POMT2: variants seen among roughly 807,000 people sequenced by gnomAD.
POMT2 encodes protein O-mannosyl-transferase 2.
POMT2 carries 75 observed loss-of-function variants against 100.0 expected under a neutral mutation model. That is an observed-to-expected ratio of 0.75 (90% CI 0.62 to 0.91). POMT2 has a LOEUF of 0.91. Among genes scored for constraint, POMT2 ranks in the 40% least tolerant of loss-of-function variants. The pLI, the probability that POMT2 is intolerant of heterozygous loss-of-function variation, is 0.00. For synonymous variants in POMT2, 378 were observed against 374.1 expected (o/e 1.01, Z -0.12); for missense variants, 940 against 955.1 (o/e 0.98, Z 0.21).
chr14:77,281,869 T>C (rs974919931), intron 15 of POMT2, among the ~76,000 whole-genome samples: 1 of 152,116 alleles, frequency 6.6e-6, no homozygotes, highest in Non-Finnish European at 1.5e-5. Context: ...TAAGAACCAC[T>C]GGTATAGCCT....
rs3742740 is a variant in POMT2 at position 77,284,876 on chromosome 14, G to A, written c.1576+74C>T. 1.1e-4 allele frequency: 153 copies of A among 1,332,904 alleles called. 1 individual carries two copies. In the East Asian group the frequency reaches 3.1e-3, roughly 27 times the overall value. The allele number at this position is 1,332,904 out of a possible 1,614,324, so 82.6% of individuals were successfully genotyped here. On this transcript the variant is annotated intron_variant, in intron 14 of 20. Transcript: ENST00000261534. ...TGAAGGGATAGCACAGTTTACAAAC[G>A]CTTACTTTTCTAAGATAAGGGTTTC...
At chr14:77,303,026 G>A in intron 4 of POMT2, 83 bp from the exon 5 acceptor site, 1 of 1,010,274 alleles carries the variant, frequency 9.9e-7, no homozygotes. Flanking sequence ...GTAGGAAACA[G>A]TCCCTCTTGC....
intron 18 of POMT2, chr14:77,279,243 GGAGT>G: frequency 2.6e-6 from 1 of 384,198 alleles, no homozygotes; most frequent in Non-Finnish European, 5.0e-6. Context: ...AGGTGAGGAT[GGAGT>G]GAGGAGGTGT....
At chr14:77,297,072 C>T (rs1485200397) in intron 8 of POMT2, among the ~76,000 whole-genome samples, 1 of 152,182 alleles carries the variant, frequency 6.6e-6, no homozygotes, top group Admixed American at 6.5e-5. Context: ...TCGGAACAGG[C>T]CAAATTCTCT....
At chr14:77,308,916 T>C in intron 2 of POMT2, 1 of 336,232 alleles carries the variant, frequency 3.0e-6, no homozygotes, top group Non-Finnish European at 5.7e-6. Flanking sequence ...GACTAAAAAC[T>C]GGAAATAACA....
intron 2 of POMT2, among the ~76,000 whole-genome samples, chr14:77,310,542 T>A (rs1891400968): frequency 6.6e-6 from 1 of 152,202 alleles, no homozygotes; most frequent in African/African-American, 2.4e-5. Flanking sequence ...ATAGGCTACC[T>A]GTTCTACCTC....
chr14:77,277,361 A>G lies in POMT2; in HGVS notation c.*15T>C, dbSNP rs538140316. 1.7e-5 allele frequency: 27 copies of G among 1,593,278 alleles called. No homozygotes were observed. The South Asian group carries it at 2.5e-4, about 15-fold the overall frequency. ...GGGAAGTTCCTGGACCCAGGCTGGAATCTTTGCAGTGGCCTCAAAAGTCCC... is the reference window on the plus strand; with the variant it reads ...GGGAAGTTCCTGGACCCAGGCTGGAGTCTTTGCAGTGGCCTCAAAAGTCCC... On this transcript the variant is annotated 3_prime_UTR_variant, in exon 21 of 21. Coordinates refer to ENST00000261534, the MANE Select transcript of POMT2 (RefSeq NM_013382.7).
chr14:77,315,212 G>A (rs1407209533), intron 1 of POMT2, among the ~76,000 whole-genome samples: 1 of 152,166 alleles, frequency 6.6e-6, no homozygotes, highest in Non-Finnish European at 1.5e-5. Flanking sequence ...GACAGCCATA[G>A]CAGTGCGCAC....
intron 5 of POMT2, 60 bp downstream of exon 5, chr14:77,302,775 C>T: frequency 1.7e-5 from 24 of 1,441,188 alleles, no homozygotes; most frequent in Non-Finnish European, 2.3e-5. Flanking sequence ...CTGGCCATTA[C>T]AGAAATTTTG....
At chr14:77,280,606 C>CAGCTGCTGTCTGCCT in intron 15 of POMT2, 143 bp from the exon 16 acceptor site, 1 of 1,512,978 alleles carries the variant, frequency 6.6e-7, no homozygotes, top group Non-Finnish European at 8.9e-7. Context: ...AAGAATCAGG[C>CAGCTGCTGTCTGCCT]AGCTGCTGTC....
intron 14 of POMT2, 53 bp downstream of exon 14, chr14:77,284,897 G>T (rs957040286): frequency 4.8e-6 from 7 of 1,466,494 alleles, no homozygotes; most frequent in Non-Finnish European, 5.7e-6. Flanking sequence ...TAAGATAAGG[G>T]TTTCTTATAA....
At chr14:77,296,325 G>T in intron 8 of POMT2, 52 bp from the exon 9 acceptor site, 1 of 1,315,936 alleles carries the variant, frequency 7.6e-7, no homozygotes. Flanking sequence ...GCCAGAGGCT[G>T]TCCGTGCCTG....
rs1890017548 is a variant in POMT2 at position 77,277,540 on chromosome 14, T to C, written c.2148-59A>G. 3.9e-6 allele frequency: 5 copies of C among 1,268,160 alleles called. No homozygotes were observed. In the South Asian group the frequency reaches 6.0e-5, roughly 15 times the overall value. The allele number at this position is 1,268,160 out of a possible 1,614,324, so 78.6% of individuals were successfully genotyped here. ...CCCCCAGTGCCTCAGCTGAGGGGCT[T>C]TGAATTCCATTCCTCCTGCTGGAGC... is the stretch of plus-strand genomic sequence containing the variant. On this transcript the variant is annotated intron_variant, in intron 20 of 20. Transcript: ENST00000261534.
intron 9 of POMT2, 53 bp downstream of exon 9, chr14:77,296,111 C>A: frequency 1.5e-6 from 2 of 1,353,686 alleles, no homozygotes; most frequent in Admixed American, 2.0e-5. Flanking sequence ...AGAGAGTGAA[C>A]TGTCATGGCG....
intron 15 of POMT2, 45 bp downstream of exon 15, chr14:77,283,752 C>G (rs759196298): frequency 1.3e-6 from 2 of 1,505,360 alleles, no homozygotes; most frequent in Non-Finnish European, 1.9e-6. Flanking sequence ...TCATGGCTGC[C>G]CAAAAGCTCT....
chr14:77,279,885 A>G lies in POMT2; in HGVS notation c.1829T>C (p.Leu610Pro), dbSNP rs1435600751. The part of the protein sequence containing the change: ...LNLLSIALYL[L>P]SGSIIAVAMQ... ...GGCTACAGCAATGATGCTCCCTGAG[A>G]GGAGGTAGAGGGCGATGCTCAACAG... Residue 610 changes from leucine to proline, a missense_variant, in exon 18 of 21, where the codon CTC becomes CCC. Leu to Pro is a moderately conservative substitution (Grantham distance 98). Transcript: ENST00000261534. The G allele has an allele frequency of 1.9e-6, 3 of 1,613,950 alleles. No individual in the cohort carries two copies. Among genetic ancestry groups the G allele is most frequent in the Non-Finnish European group, 2.5e-6 (3 of 1,180,016 alleles).
rs139308429 is a variant in POMT2 at position 77,278,458 on chromosome 14, A to T, written c.2083T>A (p.Trp695Arg). ...ACATGTATGCCCCTCGCCAGGGGCCATGAGGCCAAGCCCCAGGCACAGAGC... is the reference window on the plus strand; with the variant it reads ...ACATGTATGCCCCTCGCCAGGGGCCTTGAGGCCAAGCCCCAGGCACAGAGC... ...LRLCAWGLAS[W>R]PLARGIHVAG... The change falls in exon 20 of 21, where the codon TGG becomes AGG. Residue 695 changes from tryptophan (W) to arginine (R), a missense_variant. Coordinates refer to ENST00000261534, the MANE Select transcript of POMT2 (RefSeq NM_013382.7). The T allele has an allele frequency of 2.7e-5, 40 of 1,506,972 alleles. No individual in the cohort carries two copies. In the African/African-American group the frequency reaches 5.3e-4, roughly 20 times the overall value. 93.4% of individuals were successfully genotyped at this position (1,506,972 alleles called of 1,614,324 possible). A position where few individuals can be genotyped will look rare whatever the true frequency, so the allele number is the denominator to read the frequency against.
chr14:77,284,380 G>C (rs569715615), intron 14 of POMT2: 105 of 204,534 alleles, frequency 5.1e-4, no homozygotes, highest in Non-Finnish European at 8.5e-4. Flanking sequence ...TAGTGGGTTT[G>C]GCTAGATTAG....
chr14:77,284,083 T>A, intron 14 of POMT2: 1 of 604,762 alleles, frequency 1.7e-6, no homozygotes, highest in Non-Finnish European at 3.0e-6. Context: ...GCAAAGGAAA[T>A]AGACAACAAG....
Sources: gnomAD v4.1 joint callset for allele counts (sites outside exome capture counted in the v4.1 genomes callset) on GRCh38, gnomAD v4.1.1 for gene constraint, MANE v1.5 for transcripts, NCBI Gene and HGNC (gene_info 2026-07-23, HGNC 2026-07-21) for gene names.